Variants in NAA11 observed in about 807,000 individuals in gnomAD.
NAA11 encodes N-alpha-acetyltransferase 11, NatA catalytic subunit.
A neutral mutation model predicts 16.1 loss-of-function variants in NAA11; 15 were observed. The ratio of observed to expected loss-of-function variants is 0.93; its 90% CI spans 0.62 to 1.44. NAA11 has a LOEUF of 1.44. Among genes scored for constraint, NAA11 ranks in the 40% most tolerant of loss-of-function variants. The pLI is 0.00. For missense variants in NAA11, 298 were observed against 291.3 expected, an observed-to-expected ratio of 1.02 and a Z score of -0.17; for synonymous variants, 122 against 112.4, an observed-to-expected ratio of 1.09 and a Z score of -0.54.
At chr4:79,250,646 T>G (rs1721975198) in intron 2 of NAA11, among the ~76,000 whole-genome samples, 1 of 152,108 alleles carries the variant, frequency 6.6e-6, no homozygotes, top group Non-Finnish European at 1.5e-5. Flanking sequence ...CTGATTAAAG[T>G]AAAGAGTTTC....
the NAA11 span, among the ~76,000 whole-genome samples, chr4:79,177,824 A>G: frequency 6.6e-6 from 1 of 152,150 alleles, no homozygotes; most frequent in Non-Finnish European, 1.5e-5. Context: ...TAAGAGGAGA[A>G]GTTTCTTATT....
At chr4:79,247,806 C>T (rs1166725554) in intron 2 of NAA11, among the ~76,000 whole-genome samples, 2 of 152,164 alleles carry the variant, frequency 1.3e-5, no homozygotes, top group African/African-American at 4.8e-5. Context: ...AACCTCCTCT[C>T]ACCACTGGTC....
intron 2 of NAA11, among the ~76,000 whole-genome samples, chr4:79,256,651 A>AATATATATATATAT (rs34533882): frequency 3.4e-4 from 45 of 130,744 alleles, no homozygotes; most frequent in African/African-American, 9.8e-4. Flanking sequence ...TATAAATATA[A>AATATATATATATAT]ATATATATAT....
chr4:79,212,569 G>C, the NAA11 span, among the ~76,000 whole-genome samples: 2 of 152,014 alleles, frequency 1.3e-5, no homozygotes, highest in African/African-American at 4.8e-5. Context: ...AATCTTCCTT[G>C]AACACAGTAG....
chr4:79,256,317 G>C (rs1722105987), intron 2 of NAA11, among the ~76,000 whole-genome samples: 1 of 151,948 alleles, frequency 6.6e-6, no homozygotes, highest in African/African-American at 2.4e-5. Context: ...TATGAAAAAA[G>C]TGAATTGAGG....
intron 2 of NAA11, among the ~76,000 whole-genome samples, chr4:79,262,903 T>C (rs1331303327): frequency 6.6e-6 from 1 of 152,168 alleles, no homozygotes; most frequent in Non-Finnish European, 1.5e-5. Flanking sequence ...ATTATATATC[T>C]ATCATCATGC....
intron 2 of NAA11, among the ~76,000 whole-genome samples, chr4:79,266,231 G>T (rs1470796316): frequency 1.3e-5 from 2 of 152,138 alleles, no homozygotes; most frequent in Admixed American, 6.5e-5. Context: ...ATTATGATCG[G>T]CACTCGCAGA....
chr4:79,318,677 A>G (rs957437479), intron 1 of NAA11, among the ~76,000 whole-genome samples: 1 of 152,232 alleles, frequency 6.6e-6, no homozygotes, highest in Non-Finnish European at 1.5e-5. Flanking sequence ...TGCTATAACA[A>G]AAGAGACACA....
intron 2 of NAA11, among the ~76,000 whole-genome samples, chr4:79,253,960 C>G (rs1270036688): frequency 6.6e-6 from 1 of 152,208 alleles, no homozygotes. Context: ...AGAATAGCTT[C>G]AGATTCCCTT....
At chr4:79,318,455 A>G (rs1034797874) in intron 1 of NAA11, among the ~76,000 whole-genome samples, 1 of 152,198 alleles carries the variant, frequency 6.6e-6, no homozygotes, top group African/African-American at 2.4e-5. Context: ...AGGTCCATTC[A>G]TTCATTCATT....
At chr4:79,163,541 G>T in the NAA11 span, among the ~76,000 whole-genome samples, 2 of 152,166 alleles carry the variant, frequency 1.3e-5, no homozygotes, top group Non-Finnish European at 2.9e-5. Context: ...TATACTAGAG[G>T]TGTCTGCTGG....
At chr4:79,299,990 A>G (rs562022186) in intron 1 of NAA11, among the ~76,000 whole-genome samples, 56 of 152,304 alleles carry the variant, frequency 3.7e-4, no homozygotes, top group African/African-American at 1.3e-3. Flanking sequence ...TGGTTTCCCC[A>G]TTCGCTTTCA....
chr4:79,316,970 A>G lies in NAA11; in HGVS notation c.*834T>C, dbSNP rs949653747. ...CTGAGCTTCAGTTTCCTCATCTGTA[A>G]AACAGGGATAATACTACCTACTTTA... On this transcript the variant is annotated 3_prime_UTR_variant, in exon 2 of 2. Transcript: ENST00000286794. 1 of 152,170 alleles carries G rather than the reference A, an allele frequency of 6.6e-6. No homozygotes were observed. The highest frequency in any genetic ancestry group is 2.4e-5 in the African/African-American group (1 of 41,460). The allele number at this position is 152,170 out of a possible 1,614,324, so 9.4% of individuals were successfully genotyped here.
downstream of NAA11, among the ~76,000 whole-genome samples, chr4:79,314,544 T>C (rs1234584932): frequency 6.7e-6 from 1 of 149,906 alleles, no homozygotes; most frequent in Non-Finnish European, 1.5e-5. Flanking sequence ...ATATGAACTA[T>C]ACTTTGAGAA....
At chr4:79,168,374 G>A in the NAA11 span, among the ~76,000 whole-genome samples, 1 of 152,070 alleles carries the variant, frequency 6.6e-6, no homozygotes, top group Non-Finnish European at 1.5e-5. Flanking sequence ...ATAATCCTTT[G>A]GATATATACC....
intron 1 of NAA11, among the ~76,000 whole-genome samples, chr4:79,304,947 T>A (rs1723528901): frequency 6.6e-6 from 1 of 152,124 alleles, no homozygotes; most frequent in Admixed American, 6.5e-5. Flanking sequence ...CAGACATAGG[T>A]GAATATAATC....
intron 2 of NAA11, among the ~76,000 whole-genome samples, chr4:79,290,723 T>C (rs1232073623): frequency 6.6e-6 from 1 of 152,182 alleles, no homozygotes; most frequent in Non-Finnish European, 1.5e-5. Flanking sequence ...GAAATAATTC[T>C]GTTTTAAAGT....
In NAA11 at chr4:79,325,967, G is replaced by C; in HGVS notation, c.-90C>G. On this transcript the variant is annotated 5_prime_UTR_variant, in exon 1 of 2. Transcript: ENST00000286794. ...AGGGGCACTGTTTGCCTCAGGAATCGAGTCCAGGGGGCTAACACCACCGGG... is the reference window on the plus strand; with the variant it reads ...AGGGGCACTGTTTGCCTCAGGAATCCAGTCCAGGGGGCTAACACCACCGGG... 1.8e-6 allele frequency: 2 copies of C among 1,140,432 alleles called. No individual in the cohort carries two copies. Among genetic ancestry groups the C allele is most frequent in the Admixed American group, 2.6e-5 (1 of 38,928 alleles). The allele number at this position is 1,140,432 out of a possible 1,614,324, so 70.6% of individuals were successfully genotyped here.
chr4:79,200,980 T>C, the NAA11 span, among the ~76,000 whole-genome samples: 1 of 151,704 alleles, frequency 6.6e-6, no homozygotes, highest in Non-Finnish European at 1.5e-5. Context: ...TATGTATGTA[T>C]ATACAATTTT....
Sources: allele counts gnomAD v4.1 joint callset (sites outside exome capture counted in the v4.1 genomes callset), GRCh38; gene constraint gnomAD v4.1.1; transcripts MANE v1.5; gene names NCBI Gene and HGNC (gene_info 2026-07-23, HGNC 2026-07-21).